EPHA5: variants seen among roughly 807,000 people sequenced by gnomAD.
EPHA5 encodes EPH receptor A5, also known as ephrin type-A receptor 5.
In EPHA5, 60 loss-of-function variants were observed where a neutral mutation model predicts 105.0. That is an observed-to-expected ratio of 0.57 (90% CI 0.46 to 0.71). EPHA5 has a LOEUF of 0.71. Among genes scored for constraint, EPHA5 ranks in the 30% least tolerant of loss-of-function variants. EPHA5 has a pLI of 0.00. For missense variants in EPHA5, 1,218 were observed against 1,274.7 expected, an observed-to-expected ratio of 0.96 and a Z score of 0.68; for synonymous variants, 513 against 449.1, an observed-to-expected ratio of 1.14 and a Z score of -1.80.
At chr4:65,551,095 T>C (rs565569194) in intron 3 of EPHA5, among the ~76,000 whole-genome samples, 3 of 152,000 alleles carry the variant, frequency 2.0e-5, no homozygotes, top group African/African-American at 7.2e-5. Flanking sequence ...TATTCACATA[T>C]ATGTGTATAT....
At chr4:65,616,063 C>A (rs1441075713) in intron 2 of EPHA5, among the ~76,000 whole-genome samples, 1 of 151,790 alleles carries the variant, frequency 6.6e-6, no homozygotes, top group East Asian at 1.9e-4. Flanking sequence ...AATGGTTAAA[C>A]AAACTGTAGT....
At chr4:65,634,643 A>C (rs1028341018) in intron 2 of EPHA5, among the ~76,000 whole-genome samples, 7 of 152,046 alleles carry the variant, frequency 4.6e-5, no homozygotes, top group African/African-American at 1.7e-4. Context: ...CTTGTTCTTC[A>C]TTATATTGGC....
intron 2 of EPHA5, among the ~76,000 whole-genome samples, chr4:65,641,967 T>G (rs1747709248): frequency 6.6e-6 from 1 of 152,202 alleles, no homozygotes; most frequent in African/African-American, 2.4e-5. Flanking sequence ...AATTGAGTAA[T>G]TGTCTTCAAA....
At chr4:65,594,126 G>T (rs1446399715) in intron 3 of EPHA5, among the ~76,000 whole-genome samples, 1 of 151,868 alleles carries the variant, frequency 6.6e-6, no homozygotes, top group Non-Finnish European at 1.5e-5. Context: ...CTATTTTTTG[G>T]TTTCCTGGAA....
chr4:65,633,285 A>G (rs1746815002), intron 2 of EPHA5, among the ~76,000 whole-genome samples: 1 of 151,994 alleles, frequency 6.6e-6, no homozygotes, highest in Non-Finnish European at 1.5e-5. Flanking sequence ...TCAGAACCAT[A>G]AAGCATTTGC....
intron 3 of EPHA5, among the ~76,000 whole-genome samples, chr4:65,497,425 A>G (rs993472764): frequency 5.3e-5 from 8 of 152,126 alleles, no homozygotes; most frequent in Non-Finnish European, 1.2e-4. Context: ...AGGTATTTGA[A>G]AGATAAAAAG....
chr4:65,408,078 A>G (rs1722539445), intron 7 of EPHA5, among the ~76,000 whole-genome samples: 2 of 152,164 alleles, frequency 1.3e-5, no homozygotes, highest in African/African-American at 2.4e-5. Context: ...GCTATTTCTA[A>G]TAAGAAATGA....
chr4:65,518,539 C>T (rs1024376367), intron 3 of EPHA5, among the ~76,000 whole-genome samples: 1 of 151,944 alleles, frequency 6.6e-6, no homozygotes, highest in African/African-American at 2.4e-5. Flanking sequence ...GCAGTATAAA[C>T]ATTGACTGAA....
intron 2 of EPHA5, among the ~76,000 whole-genome samples, chr4:65,609,610 A>ATT (rs11420498): frequency 1.3e-4 from 20 of 148,680 alleles, no homozygotes; most frequent in East Asian, 7.9e-4. Flanking sequence ...CAAGCTAGAT[A>ATT]TTTTTTTTTC....
At chr4:65,341,470 C>T (rs1170836628) in intron 14 of EPHA5, among the ~76,000 whole-genome samples, 1 of 151,650 alleles carries the variant, frequency 6.6e-6, no homozygotes, top group African/African-American at 2.4e-5. Context: ...AATGTCACCC[C>T]ATAGAATCAT....
At chr4:65,346,626 A>G (rs548430093) in intron 14 of EPHA5, among the ~76,000 whole-genome samples, 98 of 152,230 alleles carry the variant, frequency 6.4e-4, no homozygotes, top group African/African-American at 2.3e-3. Context: ...AAAATTGACA[A>G]ATGGGATCTA....
chr4:65,640,074 T>C (rs992526757), intron 2 of EPHA5, among the ~76,000 whole-genome samples: 3 of 152,280 alleles, frequency 2.0e-5, no homozygotes, highest in Admixed American at 6.5e-5. Context: ...GTGTTTGTTC[T>C]TTTTGCCTTT....
chr4:65,645,143 C>A (rs1315281771), intron 1 of EPHA5, among the ~76,000 whole-genome samples: 1 of 152,042 alleles, frequency 6.6e-6, no homozygotes, highest in African/African-American at 2.4e-5. Context: ...CCATACTCTT[C>A]TTTTTACTTT....
Position 65,590,142 on chromosome 4 carries a change from C to G in EPHA5, c.910+11499G>C, listed in dbSNP as rs140680692. 1.3e-3 allele frequency among the ~76,000 whole-genome samples: 205 copies of G among 152,280 alleles called. No homozygotes were observed. The South Asian group carries it at 0.014, about 11-fold the overall frequency. Reference sequence around the variant, plus strand: ...TCCGTCAGTCAAATTATCATTTGCTCTAATTGTTACTTCCTCCAAACTGTG... The same window carrying G: ...TCCGTCAGTCAAATTATCATTTGCTGTAATTGTTACTTCCTCCAAACTGTG... On this transcript the variant is annotated intron_variant, in intron 3 of 16. Transcript: ENST00000613740.
intron 11 of EPHA5, among the ~76,000 whole-genome samples, chr4:65,359,563 G>T (rs573010568): frequency 6.6e-6 from 1 of 151,328 alleles, no homozygotes; most frequent in African/African-American, 2.4e-5. Flanking sequence ...TCCTTTTTTG[G>T]AGGTACTCAA....
chr4:65,626,590 A>G (rs1299411939), intron 2 of EPHA5, among the ~76,000 whole-genome samples: 3 of 152,240 alleles, frequency 2.0e-5, no homozygotes, highest in Admixed American at 2.0e-4. Context: ...GAGTGCATCT[A>G]CAACTATATC....
At chr4:65,437,684 T>A (rs944281414) in intron 5 of EPHA5, among the ~76,000 whole-genome samples, 1 of 151,856 alleles carries the variant, frequency 6.6e-6, no homozygotes, top group Non-Finnish European at 1.5e-5. Context: ...GGATTCAGAG[T>A]GAATCTAGAG....
In EPHA5 at chr4:65,353,008, C is replaced by T. The variant is rs751733500; in HGVS notation, c.2235+34G>A. ...GCACAACATCACAATATATAAATAA[C>T]ACCTTGAATAACTAAATTATTCCCC... On this transcript the variant is annotated intron_variant, in intron 12 of 16. Coordinates refer to ENST00000613740, the MANE Select transcript of EPHA5 (RefSeq NM_001281766.3). The T allele has an allele frequency of 3.6e-5, 49 of 1,376,374 alleles. No individual in the cohort carries two copies. In the Admixed American group the frequency reaches 9.6e-4, roughly 27 times the overall value. 85.3% of individuals were successfully genotyped at this position (1,376,374 alleles called of 1,614,324 possible). A position where few individuals can be genotyped will look rare whatever the true frequency, so the allele number is the denominator to read the frequency against.
chr4:65,379,267 G>T (rs1005628517), intron 8 of EPHA5, among the ~76,000 whole-genome samples: 61 of 113,688 alleles, frequency 5.4e-4, no homozygotes, highest in African/African-American at 1.8e-3. Context: ...TTATGAATAA[G>T]TATGCACATA....
Sources: allele counts gnomAD v4.1 joint callset (sites outside exome capture counted in the v4.1 genomes callset), GRCh38; gene constraint gnomAD v4.1.1; transcripts MANE v1.5; gene names NCBI Gene and HGNC (gene_info 2026-07-23, HGNC 2026-07-21).